ARHGEF26: variants seen among roughly 807,000 people sequenced by gnomAD.
ARHGEF26 encodes Rho guanine nucleotide exchange factor 26, also known as Rho guanine nucleotide exchange factor (GEF) 26.
Under a neutral mutation model 89.4 loss-of-function variants are expected in ARHGEF26, and 59 were observed. The ratio of observed to expected loss-of-function variants is 0.66; its 90% CI spans 0.54 to 0.82. ARHGEF26 has a LOEUF of 0.82. Among genes scored for constraint, ARHGEF26 ranks in the 40% least tolerant of loss-of-function variants. The pLI is 0.00. For synonymous variants in ARHGEF26, 500 were observed against 428.4 expected (o/e 1.17, Z -2.06); for missense variants, 1,234 against 1,085.6 (o/e 1.14, Z -1.92).
At chr3:154,239,261 G>GGGGGA (rs1717314182) in intron 11 of ARHGEF26, among the ~76,000 whole-genome samples, 2 of 105,650 alleles carry the variant, frequency 1.9e-5, no homozygotes, top group African/African-American at 8.2e-5. Context: ...AGAGAGAGAG[G>GGGGGA]GAGAGAGAGA....
At chr3:154,211,849 G>A (rs1255118692) in intron 9 of ARHGEF26, among the ~76,000 whole-genome samples, 2 of 108,602 alleles carry the variant, frequency 1.8e-5, no homozygotes, top group African/African-American at 8.0e-5. Context: ...TAATGTATAT[G>A]TGTGTGTGTA....
intron 9 of ARHGEF26, among the ~76,000 whole-genome samples, chr3:154,213,235 G>A (rs1180595545): frequency 7.4e-6 from 1 of 134,648 alleles, no homozygotes; most frequent in Non-Finnish European, 1.7e-5. Context: ...GTGTGTGTGT[G>A]TGTGTGTATA....
chr3:154,148,630 C>T (rs1171698113), intron 4 of ARHGEF26, among the ~76,000 whole-genome samples: 2 of 152,118 alleles, frequency 1.3e-5, no homozygotes, highest in Non-Finnish European at 2.9e-5. Context: ...TTGCTGGTGA[C>T]CTCACCTGCA....
intron 6 of ARHGEF26, among the ~76,000 whole-genome samples, chr3:154,183,334 T>A (rs753731146): frequency 2.1e-4 from 32 of 152,232 alleles, no homozygotes; most frequent in Non-Finnish European, 4.1e-4. Context: ...CATGATTGGT[T>A]ATAAAACATG....
chr3:154,124,448 AGGT>A lies in ARHGEF26; in HGVS notation c.1123_1123+2del, dbSNP rs1718201793. On this transcript the variant is annotated splice_donor_variant and coding_sequence_variant, in exon 3 of 15. Coordinates refer to ENST00000465093, the MANE Select transcript of ARHGEF26 (RefSeq NM_015595.4). LOFTEE classifies it high-confidence loss of function. ...AAGGACAAGGAACATTTGATGGGGA[AGGT>A]AAGCATTTAATTTTCCAAACTTTCA... 6.5e-7 allele frequency: 1 copy of A among 1,537,184 alleles called. No homozygotes were observed. Among genetic ancestry groups the A allele is most frequent in the Non-Finnish European group, 8.7e-7 (1 of 1,150,210 alleles).
intron 4 of ARHGEF26, among the ~76,000 whole-genome samples, chr3:154,144,424 G>T (rs911028255): frequency 3.5e-4 from 53 of 152,198 alleles, no homozygotes; most frequent in Non-Finnish European, 8.8e-5. Context: ...TGATATAATG[G>T]TAGTTTGAGA....
At chr3:154,227,758 C>A (rs528086296) in intron 11 of ARHGEF26, among the ~76,000 whole-genome samples, 7 of 152,240 alleles carry the variant, frequency 4.6e-5, no homozygotes, top group African/African-American at 1.4e-4. Context: ...CATCTTCCAG[C>A]TGTTGAAATA....
chr3:154,156,528 C>T (rs1720349931), intron 6 of ARHGEF26, among the ~76,000 whole-genome samples: 2 of 152,102 alleles, frequency 1.3e-5, no homozygotes, highest in African/African-American at 4.8e-5. Flanking sequence ...AATTTGATCT[C>T]TGTTATATTT....
chr3:154,172,491 T>TC (rs1263907902), intron 6 of ARHGEF26, among the ~76,000 whole-genome samples: 1 of 152,124 alleles, frequency 6.6e-6, no homozygotes, highest in African/African-American at 2.4e-5. Flanking sequence ...GGCCAGTAGT[T>TC]CAAGACCAGC....
chr3:154,227,343 T>C (rs1467747073), intron 11 of ARHGEF26, among the ~76,000 whole-genome samples: 1 of 149,828 alleles, frequency 6.7e-6, no homozygotes, highest in Non-Finnish European at 1.5e-5. Context: ...TCCCACAGGC[T>C]GGAGTGCAGT....
rs546571239 is a variant in ARHGEF26 at position 154,249,826 on chromosome 3, T to C, written c.2301-3290T>C. The stretch of plus-strand genomic sequence containing the variant: ...GTCTGTGAACTGGCTGTGTGGTAGA[T>C]TGTGAATTCATCTCAATTGTTTTAT... On this transcript the variant is annotated intron_variant, in intron 12 of 14. Coordinates refer to ENST00000465093, the MANE Select transcript of ARHGEF26 (RefSeq NM_015595.4). Among the ~76,000 whole-genome samples the C allele has an allele frequency of 3.9e-5, 6 of 152,348 alleles. No individual in the cohort carries two copies. In the South Asian group the frequency reaches 1.2e-3, roughly 32 times the overall value.
At chr3:154,150,883 C>CT (rs1719980750) in intron 5 of ARHGEF26, among the ~76,000 whole-genome samples, 1 of 152,106 alleles carries the variant, frequency 6.6e-6, no homozygotes, top group South Asian at 2.1e-4. Flanking sequence ...ACCTAATTTG[C>CT]TTTTAAATAG....
intron 4 of ARHGEF26, among the ~76,000 whole-genome samples, chr3:154,132,523 C>T (rs1044052098): frequency 1.3e-5 from 2 of 152,084 alleles, no homozygotes; most frequent in African/African-American, 4.8e-5. Context: ...AGAAGCTCAT[C>T]TGCTACTAAA....
chr3:154,240,689 G>A, intron 12 of ARHGEF26, 110 bp downstream of exon 12: 2 of 957,984 alleles, frequency 2.1e-6, no homozygotes, highest in African/African-American at 3.3e-5. Context: ...TGTTTTTGTT[G>A]AGCACCTACT....
chr3:154,123,215 A>T, intron 2 of ARHGEF26, 140 bp downstream of exon 2: 1 of 1,303,126 alleles, frequency 7.7e-7, no homozygotes, highest in Non-Finnish European at 1.0e-6. Flanking sequence ...GCTAGTGTAC[A>T]TCCAGCTCTT....
chr3:154,189,822 T>C (rs1397556273), intron 7 of ARHGEF26, among the ~76,000 whole-genome samples: 1 of 148,786 alleles, frequency 6.7e-6, no homozygotes, highest in Admixed American at 6.9e-5. Context: ...ACAACTAATT[T>C]AGAGGTTTTT....
At chr3:154,239,299 AGTGTGTGTGTGTGTGTGTGT>A (rs142191516) in intron 11 of ARHGEF26, among the ~76,000 whole-genome samples, 1 of 64,254 alleles carries the variant, frequency 1.6e-5, no homozygotes, top group African/African-American at 6.1e-5. Flanking sequence ...AGAGAGAGAG[AGTGTGTGTGTGTGTGTGTGT>A]GTGTGTGTGT....
At chr3:154,225,355 A>C (rs949574265) in intron 10 of ARHGEF26, among the ~76,000 whole-genome samples, 1 of 152,200 alleles carries the variant, frequency 6.6e-6, no homozygotes, top group Non-Finnish European at 1.5e-5. Context: ...AAAAATAAGC[A>C]TGTAGGTTTT....
chr3:154,186,859 AACAT>A (rs1369600023), intron 6 of ARHGEF26, among the ~76,000 whole-genome samples: 1 of 150,030 alleles, frequency 6.7e-6, no homozygotes, highest in Non-Finnish European at 1.5e-5. Context: ...TTGAGAAAAA[AACAT>A]ATACTGTTAG....
Sources: gnomAD v4.1 joint callset for allele counts (sites outside exome capture counted in the v4.1 genomes callset) on GRCh38, gnomAD v4.1.1 for gene constraint, MANE v1.5 for transcripts, NCBI Gene and HGNC (gene_info 2026-07-23, HGNC 2026-07-21) for gene names.